Variants in CSMD1 observed in about 807,000 individuals in gnomAD.
The protein encoded by CSMD1 is CUB and sushi domain-containing protein 1.
Under a neutral mutation model 417.5 loss-of-function variants are expected in CSMD1, and 213 were observed. The ratio of observed to expected loss-of-function variants is 0.51; its 90% CI spans 0.46 to 0.57. The LOEUF (loss-of-function observed/expected upper bound fraction) is 0.57, where lower values mean the gene tolerates loss of function less well. Among genes scored for constraint, CSMD1 ranks in the 20% least tolerant of loss-of-function variants. The probability of loss-of-function intolerance (pLI) is 0.00; values close to 1 mark genes in which losing one functional copy is unlikely to be tolerated. For synonymous variants in CSMD1, 2,862 were observed against 1,736.8 expected (o/e 1.65, Z -16.11); for missense variants, 6,923 against 4,529.7 (o/e 1.53, Z -15.17).
intron 5 of CSMD1, among the ~76,000 whole-genome samples, chr8:3,848,442 T>C (rs958422191): frequency 3.3e-5 from 5 of 152,224 alleles, no homozygotes; most frequent in Admixed American, 6.5e-5. Context: ...TTTCAACTAA[T>C]AGTTACTTAA....
At chr8:3,983,034 G>A (rs951611006) in intron 5 of CSMD1, among the ~76,000 whole-genome samples, 26 of 152,144 alleles carry the variant, frequency 1.7e-4, no homozygotes, top group Non-Finnish European at 3.2e-4. Flanking sequence ...TAAATCATGG[G>A]GCCGGGATCC....
At chr8:4,277,470 T>G (rs542410280) in intron 3 of CSMD1, among the ~76,000 whole-genome samples, 1 of 152,276 alleles carries the variant, frequency 6.6e-6, no homozygotes, top group Admixed American at 6.5e-5. Context: ...TACTTAAATG[T>G]ACCGTCTTAA....
intron 7 of CSMD1, among the ~76,000 whole-genome samples, chr8:3,659,222 G>C (rs1004367809): frequency 6.6e-6 from 1 of 152,286 alleles, no homozygotes; most frequent in Middle Eastern, 3.4e-3. Flanking sequence ...GCCCAGGGAG[G>C]TGAAATTGTG....
At chr8:3,479,634 G>A (rs1817622496) in intron 11 of CSMD1, among the ~76,000 whole-genome samples, 1 of 152,164 alleles carries the variant, frequency 6.6e-6, no homozygotes, top group South Asian at 2.1e-4. Flanking sequence ...AAAAACCACA[G>A]TTGCTTTTTC....
chr8:4,772,716 G>C (rs1183075872), intron 1 of CSMD1, among the ~76,000 whole-genome samples: 1 of 152,136 alleles, frequency 6.6e-6, no homozygotes, highest in East Asian at 1.9e-4. Flanking sequence ...TTAAGTTTGA[G>C]GCTTGAATTC....
intron 48 of CSMD1, among the ~76,000 whole-genome samples, chr8:3,090,957 G>A (rs1814901297): frequency 6.6e-6 from 1 of 151,928 alleles, no homozygotes; most frequent in Non-Finnish European, 1.5e-5. Context: ...AATCACTGCT[G>A]GCAGAGAATG....
intron 49 of CSMD1, among the ~76,000 whole-genome samples, chr8:3,064,432 C>T (rs149026797): frequency 0.013 from 1,977 of 152,224 alleles, 16 homozygotes; most frequent in South Asian, 0.021. Flanking sequence ...CGCTTTCTGC[C>T]ATGATTGTAA....
chr8:3,559,328 A>C (rs971203598), intron 10 of CSMD1, among the ~76,000 whole-genome samples: 1 of 152,230 alleles, frequency 6.6e-6, no homozygotes, highest in Non-Finnish European at 1.5e-5. Context: ...GATTTCAAAG[A>C]CTAGGCATGG....
intron 30 of CSMD1, among the ~76,000 whole-genome samples, chr8:3,208,366 A>C (rs1477361612): frequency 6.6e-6 from 1 of 152,104 alleles, no homozygotes; most frequent in Non-Finnish European, 1.5e-5. Flanking sequence ...CCCCAGGTTC[A>C]AGTGATTCTC....
At chr8:4,883,816 G>C (rs1274980578) in intron 1 of CSMD1, among the ~76,000 whole-genome samples, 1 of 151,958 alleles carries the variant, frequency 6.6e-6, no homozygotes, top group Non-Finnish European at 1.5e-5. Context: ...TTTTTTGTGA[G>C]CATTTATTTT....
intron 11 of CSMD1, among the ~76,000 whole-genome samples, chr8:3,476,066 G>C (rs1416156956): frequency 2.0e-5 from 3 of 152,206 alleles, no homozygotes; most frequent in Non-Finnish European, 4.4e-5. Flanking sequence ...TTAAGGGCTG[G>C]AGGTGATGGC....
chr8:3,672,636 C>G (rs1045442158), intron 7 of CSMD1, among the ~76,000 whole-genome samples: 21 of 152,236 alleles, frequency 1.4e-4, no homozygotes, highest in African/African-American at 4.3e-4. Flanking sequence ...CTTTTTCATC[C>G]GGTCAGAGTA....
chr8:3,321,523 A>G (rs928610348), intron 23 of CSMD1, among the ~76,000 whole-genome samples: 1 of 152,110 alleles, frequency 6.6e-6, no homozygotes, highest in African/African-American at 2.4e-5. Flanking sequence ...AAGTTTCCCC[A>G]TGCAAATACC....
intron 27 of CSMD1, among the ~76,000 whole-genome samples, chr8:3,228,535 A>G (rs938498337): frequency 3.4e-4 from 52 of 152,330 alleles, no homozygotes; most frequent in African/African-American, 1.2e-3. Flanking sequence ...CATTCAAGGT[A>G]GAGACAGGGG....
chr8:4,477,563 CT>C (rs1031726387), intron 2 of CSMD1, among the ~76,000 whole-genome samples: 1 of 152,164 alleles, frequency 6.6e-6, no homozygotes, highest in African/African-American at 2.4e-5. Context: ...AAATGTACAT[CT>C]TTTTTTAAAA....
chr8:3,876,844 T>C (rs1214194851), intron 5 of CSMD1, among the ~76,000 whole-genome samples: 2 of 152,206 alleles, frequency 1.3e-5, no homozygotes, highest in East Asian at 3.9e-4. Context: ...ACTTCTGACC[T>C]CAAGTGATTC....
At chr8:4,283,171 T>A (rs554071415) in intron 3 of CSMD1, among the ~76,000 whole-genome samples, 33 of 152,280 alleles carry the variant, frequency 2.2e-4, no homozygotes, top group Admixed American at 3.3e-4. Context: ...ACGTTGAGAG[T>A]CTTTTTTACA....
Position 3,408,112 on chromosome 8 carries a change from T to G in CSMD1, c.1858A>C (p.Ser620Arg). The G allele has an allele frequency of 6.2e-7, 1 of 1,613,902 alleles. No homozygotes were observed. Among genetic ancestry groups the G allele is most frequent in the East Asian group, 2.2e-5 (1 of 44,880 alleles). Residue 620 changes from serine to arginine, a missense_variant, in exon 14 of 70, where the codon AGT becomes CGT. By Grantham distance (110) the Ser-to-Arg change is moderately radical (BLOSUM62 -1). Transcript: ENST00000635120. ...TCATTAAAGATTAGGTGAATTCGAC[T>G]TCCTGGCTCCGAGATAATCAACCAG... ...CVWLIISEPGSRIHLIFNDFD... is the reference protein window; with the variant it reads ...CVWLIISEPGRRIHLIFNDFD...
intron 4 of CSMD1, among the ~76,000 whole-genome samples, chr8:4,005,541 T>G (rs533576073): frequency 7.9e-5 from 12 of 152,342 alleles, no homozygotes; most frequent in Non-Finnish European, 2.9e-5. Flanking sequence ...ATTGGCTCAT[T>G]CTTTATTTTC....
Sources: gnomAD v4.1 joint callset for allele counts (sites outside exome capture counted in the v4.1 genomes callset) on GRCh38, gnomAD v4.1.1 for gene constraint, MANE v1.5 for transcripts, NCBI Gene and HGNC (gene_info 2026-07-23, HGNC 2026-07-21) for gene names.